The following SLFN12 variants were observed in gnomAD, a reference collection of about 807,000 sequenced individuals.
SLFN12 encodes the protein schlafen family member 12, also known as ribonuclease SLFN12.
SLFN12 carries 25 observed loss-of-function variants against 29.1 expected under a neutral mutation model. The observed-to-expected ratio is 0.86, with a 90% CI of 0.63 to 1.20. The LOEUF is 1.20. Ranked by LOEUF, SLFN12 falls within the 50% of genes most tolerant of loss-of-function variation. The pLI, the probability that SLFN12 is intolerant of heterozygous loss-of-function variation, is 0.00. For missense variants in SLFN12, 660 were observed against 666.2 expected (o/e 0.99, Z 0.10); for synonymous variants, 257 against 238.7 (o/e 1.08, Z -0.71).
intron 1 of SLFN12, among the ~76,000 whole-genome samples, chr17:35,429,586 A>G (rs752288212): frequency 6.6e-6 from 1 of 152,104 alleles, no homozygotes; most frequent in Non-Finnish European, 1.5e-5. Context: ...GTTGTTGGCT[A>G]TCTTTAATGG....
At chr17:35,418,718 T>C (rs1911458409) in intron 3 of SLFN12, among the ~76,000 whole-genome samples, 1 of 152,102 alleles carries the variant, frequency 6.6e-6, no homozygotes, top group African/African-American at 2.4e-5. Flanking sequence ...TACTTAGTAA[T>C]ATGATGAAGG....
chr17:35,430,593 C>G (rs1032606811), intron 1 of SLFN12: 23 of 152,118 alleles, frequency 1.5e-4, no homozygotes, highest in African/African-American at 5.3e-4. Flanking sequence ...CTAGAGATGG[C>G]TGCATGCAAA....
At chr17:35,423,413 A>C (rs991110659) in intron 1 of SLFN12, among the ~76,000 whole-genome samples, 3 of 151,960 alleles carry the variant, frequency 2.0e-5, no homozygotes, top group African/African-American at 7.2e-5. Flanking sequence ...TTCTCAGTGA[A>C]CCAGGCTTTA....
At chr17:35,429,588 C>A (rs1190395172) in intron 1 of SLFN12, among the ~76,000 whole-genome samples, 1 of 152,032 alleles carries the variant, frequency 6.6e-6, no homozygotes, top group African/African-American at 2.4e-5. Flanking sequence ...TGTTGGCTAT[C>A]TTTAATGGGA....
At chr17:35,420,638 T>C (rs988504721) in intron 2 of SLFN12, 6 of 288,768 alleles carry the variant, frequency 2.1e-5, no homozygotes, top group Non-Finnish European at 3.9e-5. Context: ...TACCATATAA[T>C]TGGGTTTATT....
intron 3 of SLFN12, among the ~76,000 whole-genome samples, chr17:35,418,772 G>A (rs906225747): frequency 2.0e-5 from 3 of 152,042 alleles, no homozygotes; most frequent in East Asian, 1.9e-4. Context: ...TCAGTATTGC[G>A]GCTGGGAAAG....
chr17:35,421,099 C>T (rs891502507), intron 2 of SLFN12, among the ~76,000 whole-genome samples: 2 of 151,708 alleles, frequency 1.3e-5, no homozygotes, highest in African/African-American at 4.8e-5. Flanking sequence ...ATCCCAGCTA[C>T]TCGGAAGGCT....
chr17:35,413,972 A>C (rs921119850), intron 3 of SLFN12, among the ~76,000 whole-genome samples: 2 of 152,046 alleles, frequency 1.3e-5, no homozygotes, highest in African/African-American at 4.8e-5. Flanking sequence ...CTAGGTATAG[A>C]AGGAATGTAC....
chr17:35,414,079 C>T (rs191652273), intron 3 of SLFN12, among the ~76,000 whole-genome samples: 1 of 152,156 alleles, frequency 6.6e-6, no homozygotes. Flanking sequence ...AGGAACAAAA[C>T]AAGGATGCCC....
chr17:35,423,424 G>A (rs1432244244), intron 1 of SLFN12, among the ~76,000 whole-genome samples: 2 of 151,806 alleles, frequency 1.3e-5, no homozygotes, highest in Non-Finnish European at 2.9e-5. Context: ...CCAGGCTTTA[G>A]TTATACATAT....
chr17:35,415,059 A>G (rs947186367), intron 3 of SLFN12, among the ~76,000 whole-genome samples: 1 of 152,154 alleles, frequency 6.6e-6, no homozygotes, highest in Non-Finnish European at 1.5e-5. Context: ...TAGCAAAAGC[A>G]AGACTAAGCA....
At chr17:35,432,882 G>A (rs577267393), upstream of SLFN12, 29 of 152,262 alleles carry the variant, frequency 1.9e-4, no homozygotes, top group African/African-American at 7.0e-4. Context: ...GGAAGGTTTA[G>A]CGATGGAGCA....
Position 35,422,235 on chromosome 17 carries a change from T to A in SLFN12, c.794A>T (p.Glu265Val). 6.2e-7 allele frequency: 1 copy of A among 1,614,174 alleles called. No individual in the cohort carries two copies. Among genetic ancestry groups the A allele is most frequent in the Non-Finnish European group, 8.5e-7 (1 of 1,180,026 alleles). The change falls in exon 2 of 4, where the codon GAA becomes GTA. Residue 265 changes from glutamate (E) to valine (V), a missense_variant. By Grantham distance (121) the Glu-to-Val change is moderately radical. Coordinates refer to ENST00000304905, the MANE Select transcript of SLFN12 (RefSeq NM_018042.5). ...CACAGGCATCTTCCTAATGGACTTT[T>A]CGATTTCTCTTTCTAAGTCATCGAG... ...SDLDDLEREIEKSIRKMPVHH... is the reference protein window; with the variant it reads ...SDLDDLEREIVKSIRKMPVHH...
Position 35,422,761 on chromosome 17 carries a change from C to T in SLFN12, c.268G>A (p.Val90Ile), listed in dbSNP as rs764941956. Residue 90 changes from valine to isoleucine, a missense_variant, in exon 2 of 4, where the codon GTT becomes ATT. Coordinates refer to ENST00000304905, the MANE Select transcript of SLFN12 (RefSeq NM_018042.5). ...TGCATGAAGTCTAAGTACTCAGGAACAAATAACAGAATGTTACTAAAAGAA... is the reference window on the plus strand; with the variant it reads ...TGCATGAAGTCTAAGTACTCAGGAATAAATAACAGAATGTTACTAAAAGAA... ...ENSFSNILLF[V>I]PEYLDFMQNG... 5.0e-6 allele frequency: 8 copies of T among 1,613,842 alleles called. No individual in the cohort carries two copies. Among genetic ancestry groups the T allele is most frequent in the Admixed American group, 3.3e-5 (2 of 59,992 alleles).
Position 35,422,402 on chromosome 17 carries a change from G to A in SLFN12, c.627C>T (p.Phe209=). Residue 209 remains phenylalanine, a synonymous_variant, in exon 2 of 4, where the codon TTC becomes TTT. Transcript: ENST00000304905. ...TESTHVEIKN[F]STEKLLQRIK... ...TTCGTTGTAACAACTTTTCTGTCGA[G>A]AAGTTTTTAATTTCAACATGTGTGG... 2 of 1,613,872 alleles carry A rather than the reference G, an allele frequency of 1.2e-6. No homozygotes were observed. Among genetic ancestry groups the A allele is most frequent in the Non-Finnish European group, 1.7e-6 (2 of 1,179,934 alleles).
At position 35,411,401 on chromosome 17, in the gene SLFN12, G is replaced by A. The variant is rs145181126; in HGVS notation, c.1674C>T (p.Ile558=). 3.4e-5 allele frequency: 54 copies of A among 1,603,724 alleles called. No individual in the cohort carries two copies. In the East Asian group the frequency reaches 4.9e-4, roughly 15 times the overall value. ...CATTCTTCTGAAAGCAATCTATACC[G>A]ATTATCTGGTATAGATTTTCTGCAA... ...FSFAENLYQI[I]GIDCFQKNDK... is the part of the protein sequence containing the mutation. Residue 558 remains isoleucine, a synonymous_variant, in exon 4 of 4, where the codon ATC becomes ATT. Coordinates refer to ENST00000304905, the MANE Select transcript of SLFN12 (RefSeq NM_018042.5).
chr17:35,431,666 T>A (rs1350097596), intron 1 of SLFN12, among the ~76,000 whole-genome samples: 2 of 152,128 alleles, frequency 1.3e-5, no homozygotes, highest in African/African-American at 4.8e-5. Flanking sequence ...GGGGATGGCC[T>A]ACTGTGAGCT....
intron 3 of SLFN12, among the ~76,000 whole-genome samples, chr17:35,418,219 G>A (rs1238665837): frequency 6.6e-6 from 1 of 152,096 alleles, no homozygotes; most frequent in Non-Finnish European, 1.5e-5. Flanking sequence ...TACAGTGGCA[G>A]GGACAGACAA....
At chr17:35,423,159 T>C in intron 1 of SLFN12, 91 bp from the exon 2 acceptor site, 13 of 1,405,210 alleles carry the variant, frequency 9.3e-6, no homozygotes, top group Non-Finnish European at 1.1e-5. Context: ...AATCCTGTGC[T>C]GTATATATTC....
Sources: allele counts gnomAD v4.1 joint callset (sites outside exome capture counted in the v4.1 genomes callset), GRCh38; gene constraint gnomAD v4.1.1; transcripts MANE v1.5; gene names NCBI Gene and HGNC (gene_info 2026-07-23, HGNC 2026-07-21).